The following PZP variants were observed in gnomAD, a reference collection of about 807,000 sequenced individuals.
The protein encoded by PZP is pregnancy zone protein.
In PZP, 150 loss-of-function variants were observed where a neutral mutation model predicts 179.8. That is an observed-to-expected ratio of 0.83 (90% CI 0.73 to 0.96). The LOEUF (loss-of-function observed/expected upper bound fraction) is 0.96, where lower values mean the gene tolerates loss of function less well. PZP is among the 40% of genes least tolerant of loss of function. The pLI, the probability that PZP is intolerant of heterozygous loss-of-function variation, is 0.00. For synonymous variants in PZP, 624 were observed against 652.3 expected (o/e 0.96, Z 0.66); for missense variants, 1,689 against 1,764.0 (o/e 0.96, Z 0.76).
At chr12:9,181,206 A>C in intron 14 of PZP, 74 bp from the exon 15 acceptor site, 1 of 1,588,222 alleles carries the variant, frequency 6.3e-7, no homozygotes, top group South Asian at 1.1e-5. Flanking sequence ...GCATTTCCTA[A>C]GCCACCCTTA....
chr12:9,169,021 A>G, intron 16 of PZP, 47 bp from the exon 17 acceptor site: 1 of 1,337,582 alleles, frequency 7.5e-7, no homozygotes, highest in South Asian at 1.2e-5. Context: ...TGATTAGAAT[A>G]TATAAAACAT....
At chr12:9,149,530 CTAG>C in intron 35 of PZP, 28 bp downstream of exon 35, 2 of 1,599,870 alleles carry the variant, frequency 1.3e-6, no homozygotes, top group Non-Finnish European at 1.7e-6. Flanking sequence ...TTAATGCCAT[CTAG>C]TACTGGTCAT....
chr12:9,206,510 GC>G (rs1944446303), intron 1 of PZP, among the ~76,000 whole-genome samples: 1 of 152,074 alleles, frequency 6.6e-6, no homozygotes, highest in African/African-American at 2.4e-5. Flanking sequence ...TTAAATATTT[GC>G]CTCTTTAGCA....
At chr12:9,142,808 T>G in the PZP span, among the ~76,000 whole-genome samples, 1 of 152,126 alleles carries the variant, frequency 6.6e-6, no homozygotes, top group Admixed American at 6.6e-5. Flanking sequence ...TTTTGAGAGG[T>G]ACTTATTTAC....
At position 9,154,663 on chromosome 12, in the gene PZP, A is replaced by T. The variant is rs1940612762; in HGVS notation, c.3727T>A (p.Trp1243Arg). ...TGGGCGTTCTGCTGCTTCATGATCC[A>T]CTTCACAATGTTAGTTGCAGAGGTC... The part of the protein sequence containing the change: ...DLTSATNIVK[W>R]IMKQQNAQGG... The change falls in exon 29 of 36, where the codon TGG becomes AGG. Residue 1243 changes from tryptophan to arginine, a missense_variant. Physicochemically the swap from Trp to Arg is moderately radical, Grantham distance 101 (BLOSUM62 -3). Coordinates refer to ENST00000261336, the MANE Select transcript of PZP (RefSeq NM_002864.3). The T allele has an allele frequency of 2.5e-6, 4 of 1,614,064 alleles. No homozygotes were observed. The African/African-American group carries it at 5.3e-5, about 22-fold the overall frequency.
chr12:9,202,284 A>G (rs1304506104), intron 4 of PZP, 35 bp downstream of exon 4: 2 of 1,570,540 alleles, frequency 1.3e-6, no homozygotes, highest in African/African-American at 1.4e-5. Context: ...TTCCCACTCT[A>G]CCCACAACCC....
At position 9,149,531 on chromosome 12, in the gene PZP, T is replaced by A. The variant is rs1171389771; in HGVS notation, c.4426+30A>T. 3.1e-6 allele frequency: 5 copies of A among 1,600,654 alleles called. No homozygotes were observed. The Admixed American group carries it at 8.5e-5, about 27-fold the overall frequency. ...CCTTGGAGAGTGGGTTAATGCCATC[T>A]AGTACTGGTCATAAGTGGTGAACTC... On this transcript the variant is annotated intron_variant, in intron 35 of 35. Coordinates refer to ENST00000261336, the MANE Select transcript of PZP (RefSeq NM_002864.3).
chr12:9,202,757 A>C, intron 2 of PZP, 73 bp from the exon 3 acceptor site: 1 of 1,411,148 alleles, frequency 7.1e-7, no homozygotes, highest in Non-Finnish European at 9.7e-7. Context: ...AGTCATTGCT[A>C]TTTCCTATCT....
chr12:9,179,293 C>T (rs1942600902), intron 15 of PZP, among the ~76,000 whole-genome samples: 1 of 152,056 alleles, frequency 6.6e-6, no homozygotes, highest in Non-Finnish European at 1.5e-5. Context: ...TTTGCTGATC[C>T]ACCTATATCC....
chr12:9,196,267 T>C (rs369820545), intron 10 of PZP, 63 bp downstream of exon 10: 17 of 1,141,018 alleles, frequency 1.5e-5, no homozygotes, highest in Admixed American at 7.2e-5. Context: ...GGCTGCATCA[T>C]TGTGTCCTGT....
chr12:9,200,536 A>G, intron 6 of PZP, 88 bp from the exon 7 acceptor site: 1 of 1,025,842 alleles, frequency 9.7e-7, no homozygotes. Context: ...ATTTTTCCCA[A>G]AATAACACTC....
chr12:9,190,060 C>G (rs921134891), intron 13 of PZP, among the ~76,000 whole-genome samples: 1 of 152,044 alleles, frequency 6.6e-6, no homozygotes, highest in Non-Finnish European at 1.5e-5. Flanking sequence ...TAAATTAGTT[C>G]AGCCATTATG....
chr12:9,150,676 G>A lies in PZP; in HGVS notation c.4352C>T (p.Ala1451Val). The change falls in exon 34 of 36, where the codon GCA (alanine) becomes GTA (valine). Residue 1451 changes from alanine (A) to valine (V), a missense_variant. Physicochemically the swap from Ala to Val is moderately conservative, Grantham distance 64 (BLOSUM62 0). Coordinates refer to ENST00000261336, the MANE Select transcript of PZP (RefSeq NM_002864.3). ...QDIPVGDLKP[A>V]IVKVYDYYET... is the part of the protein sequence containing the mutation. Reference sequence around the variant, plus strand: ...ATAGTAATCATAGACTTTAACAATTGCTGGCTTCAAGTCTCCTACTGGGAT... The same window carrying A: ...ATAGTAATCATAGACTTTAACAATTACTGGCTTCAAGTCTCCTACTGGGAT... 6.2e-7 allele frequency: 1 copy of A among 1,611,410 alleles called. No homozygotes were observed. Among genetic ancestry groups the A allele is most frequent in the Non-Finnish European group, 8.5e-7 (1 of 1,178,086 alleles).
In PZP at chr12:9,154,711, G is replaced by C. The variant is rs1258663872; in HGVS notation, c.3679C>G (p.Pro1227Ala). 6.2e-7 allele frequency: 1 copy of C among 1,614,124 alleles called. No individual in the cohort carries two copies. Among genetic ancestry groups the C allele is most frequent in the Admixed American group, 1.7e-5 (1 of 60,014 alleles). Reference protein sequence around the residue: ...YVLLAYLTAQPAPTSGDLTSA... With the variant: ...YVLLAYLTAQAAPTSGDLTSA... ...GTCAGGTCCCCTGAGGTGGGGGCTG[G>C]CTGGGCCGTGAGATAAGCGAGGAGC... is the stretch of plus-strand genomic sequence containing the variant. Residue 1227 changes from proline (P) to alanine (A), a missense_variant, in exon 29 of 36, where the codon CCA becomes GCA. Transcript: ENST00000261336.
chr12:9,151,552 A>G, intron 33 of PZP, 52 bp downstream of exon 33: 1 of 1,463,470 alleles, frequency 6.8e-7, no homozygotes, highest in Admixed American at 1.8e-5. Flanking sequence ...AAAGAGACTC[A>G]CTTAGAAAGA....
intron 4 of PZP, among the ~76,000 whole-genome samples, chr12:9,201,930 A>G (rs939220517): frequency 6.6e-6 from 1 of 152,120 alleles, no homozygotes; most frequent in African/African-American, 2.4e-5. Context: ...TCGAATATAT[A>G]ATAAAATTAT....
At chr12:9,190,647 C>T (rs948548564) in intron 13 of PZP, among the ~76,000 whole-genome samples, 1 of 152,058 alleles carries the variant, frequency 6.6e-6, no homozygotes, top group Non-Finnish European at 1.5e-5. Context: ...CCCCATGACA[C>T]GAGTTTACCT....
intron 20 of PZP, 60 bp downstream of exon 20, chr12:9,164,073 A>C: frequency 6.6e-7 from 1 of 1,522,448 alleles, no homozygotes; most frequent in Non-Finnish European, 9.0e-7. Context: ...TGATGAAAAA[A>C]GTACTCAGAC....
At chr12:9,144,063 G>A (rs1939875542), downstream of PZP, among the ~76,000 whole-genome samples, 1 of 152,208 alleles carries the variant, frequency 6.6e-6, no homozygotes, top group Non-Finnish European at 1.5e-5. Context: ...CCATGAGAAA[G>A]TCAGGGGAAG....
Sources: gnomAD v4.1 joint callset for allele counts (sites outside exome capture counted in the v4.1 genomes callset) on GRCh38, gnomAD v4.1.1 for gene constraint, MANE v1.5 for transcripts, NCBI Gene and HGNC (gene_info 2026-07-23, HGNC 2026-07-21) for gene names.